The following PHACTR1 variants were observed in gnomAD, a reference collection of about 807,000 sequenced individuals.
PHACTR1 encodes the protein RPEL repeat containing 1.
Under a neutral mutation model 69.2 loss-of-function variants are expected in PHACTR1, and 16 were observed. The observed-to-expected ratio is 0.23, with a 90% CI of 0.16 to 0.35. PHACTR1 has a LOEUF of 0.35. PHACTR1 is among the 10% of genes least tolerant of loss of function. The probability of loss-of-function intolerance (pLI) is 1.00; values close to 1 mark genes in which losing one functional copy is unlikely to be tolerated. For synonymous variants in PHACTR1, 312 were observed against 284.5 expected, an observed-to-expected ratio of 1.10 and a Z score of -0.97; for missense variants, 510 against 734.7, an observed-to-expected ratio of 0.69 and a Z score of 3.54.
chr6:13,130,523 G>A (rs6909002), intron 5 of PHACTR1, among the ~76,000 whole-genome samples: 112,206 of 152,060 alleles, frequency 0.74, 41,498 homozygotes, highest in East Asian at 0.79. Context: ...CAAGGCTGCT[G>A]TGAACACCTT....
chr6:12,913,896 C>A (rs1786677118), intron 4 of PHACTR1, among the ~76,000 whole-genome samples: 1 of 152,204 alleles, frequency 6.6e-6, no homozygotes, highest in South Asian at 2.1e-4. Context: ...CTGGGAACAA[C>A]CTGAAGCAGA....
chr6:12,906,204 A>G (rs963242005), intron 4 of PHACTR1, among the ~76,000 whole-genome samples: 1 of 152,224 alleles, frequency 6.6e-6, no homozygotes, highest in Non-Finnish European at 1.5e-5. Flanking sequence ...ATTACTTCTT[A>G]TGCTCAGTGG....
intron 4 of PHACTR1, among the ~76,000 whole-genome samples, chr6:12,845,490 G>T (rs1251455796): frequency 7.4e-6 from 1 of 134,754 alleles, no homozygotes. Context: ...GCATCAGATG[G>T]CAGCATTATC....
Position 13,003,963 on chromosome 6 carries a change from A to ATG in PHACTR1, c.251-49400_251-49399dup, listed in dbSNP as rs70989821. Among the ~76,000 whole-genome samples, 8 of 90,254 alleles carry ATG rather than the reference A, an allele frequency of 8.9e-5. No individual in the cohort carries two copies. In the East Asian group the frequency reaches 9.0e-4, roughly 10 times the overall value. 59.2% of individuals were successfully genotyped at this position (90,254 alleles called of 152,430 possible). On this transcript the variant is annotated intron_variant, in intron 4 of 14. Coordinates refer to ENST00000332995, the MANE Select transcript of PHACTR1 (RefSeq NM_030948.6). ...CTCAGTAGTATTCCTATATATATAT[A>ATG]TGTATATATATATATACACATATAT...
At chr6:12,936,423 A>G (rs1026523404) in intron 4 of PHACTR1, among the ~76,000 whole-genome samples, 4 of 152,244 alleles carry the variant, frequency 2.6e-5, no homozygotes, top group Admixed American at 2.6e-4. Context: ...AACATAAAAG[A>G]TGACAAATGC....
In PHACTR1 at chr6:13,115,651, C is replaced by T. The variant is rs189867320; in HGVS notation, c.416-44553C>T. ...GTTTAGTTACTAAGGTTGCCACAGT[C>T]GAAGCTCCCATCCTGATGGCTTTAA... On this transcript the variant is annotated intron_variant, in intron 5 of 14. Coordinates refer to ENST00000332995, the MANE Select transcript of PHACTR1 (RefSeq NM_030948.6). Among the ~76,000 whole-genome samples the T allele has an allele frequency of 4.1e-4, 62 of 152,264 alleles. No homozygotes were observed. The East Asian group carries it at 6.8e-3, about 17-fold the overall frequency.
chr6:13,019,589 A>C (rs1248281112), intron 4 of PHACTR1, among the ~76,000 whole-genome samples: 3 of 152,224 alleles, frequency 2.0e-5, no homozygotes, highest in Non-Finnish European at 2.9e-5. Flanking sequence ...ATATAATTTT[A>C]CTAATAATTT....
rs116845196 is a variant in PHACTR1 at position 13,233,633 on chromosome 6, A to C, written c.1391+3440A>C. On this transcript the variant is annotated intron_variant, in intron 10 of 14. Coordinates refer to ENST00000332995, the MANE Select transcript of PHACTR1 (RefSeq NM_030948.6). ...GATCTCGTGAGACCTACTCATTATC[A>C]TGAGAACAGCATGAGGGAAACTGCC... is the stretch of plus-strand genomic sequence containing the variant. 6.7e-3 allele frequency among the ~76,000 whole-genome samples: 1,016 copies of C among 152,276 alleles called. 13 individuals are homozygous for C. The highest frequency in any genetic ancestry group is 0.027 in the East Asian group (142 of 5,182).
At chr6:12,820,780 G>A (rs1776118035) in intron 4 of PHACTR1, among the ~76,000 whole-genome samples, 1 of 152,098 alleles carries the variant, frequency 6.6e-6, no homozygotes, top group South Asian at 2.1e-4. Context: ...ATATTCAAGT[G>A]TACCTCTTCT....
chr6:13,258,802 C>CA (rs1775535183), intron 10 of PHACTR1, among the ~76,000 whole-genome samples: 1 of 152,196 alleles, frequency 6.6e-6, no homozygotes, highest in South Asian at 2.1e-4. Context: ...CAGGGAAAAG[C>CA]AAAGGCTAAA....
intron 5 of PHACTR1, among the ~76,000 whole-genome samples, chr6:13,064,547 G>GATAT (rs1195089569): frequency 5.7e-5 from 4 of 70,210 alleles, no homozygotes; most frequent in Non-Finnish European, 1.1e-4. Flanking sequence ...GAAGGGAAAA[G>GATAT]ATATATATAT....
chr6:13,065,227 A>G (rs1222714616), intron 5 of PHACTR1, among the ~76,000 whole-genome samples: 1 of 152,104 alleles, frequency 6.6e-6, no homozygotes, highest in African/African-American at 2.4e-5. Flanking sequence ...CTGGGATGAA[A>G]ACTCCAAAGA....
intron 4 of PHACTR1, among the ~76,000 whole-genome samples, chr6:12,895,118 A>T (rs186210270): frequency 5.3e-5 from 8 of 151,020 alleles, no homozygotes; most frequent in African/African-American, 1.9e-4. Flanking sequence ...TACTCTTAGG[A>T]TATTGTGTAT....
chr6:12,918,457 G>T (rs925526194), intron 4 of PHACTR1, among the ~76,000 whole-genome samples: 1 of 152,222 alleles, frequency 6.6e-6, no homozygotes, highest in South Asian at 2.1e-4. Context: ...AAGGACTTGA[G>T]CACACATTGG....
At chr6:13,154,802 T>C (rs1311105601) in intron 5 of PHACTR1, among the ~76,000 whole-genome samples, 1 of 150,928 alleles carries the variant, frequency 6.6e-6, no homozygotes, top group Non-Finnish European at 1.5e-5. Flanking sequence ...CTCACTCCTC[T>C]TCTTCTAAAT....
At chr6:13,241,869 C>CAA (rs924968728) in intron 10 of PHACTR1, among the ~76,000 whole-genome samples, 7 of 130,926 alleles carry the variant, frequency 5.3e-5, no homozygotes, top group East Asian at 2.2e-4. Flanking sequence ...ACTAAAAATG[C>CAA]AAAAAAAAAA....
At chr6:12,872,497 C>T (rs1225189889) in intron 4 of PHACTR1, among the ~76,000 whole-genome samples, 1 of 152,126 alleles carries the variant, frequency 6.6e-6, no homozygotes, top group African/African-American at 2.4e-5. Flanking sequence ...CACTTCTTTG[C>T]TCTTTGATTT....
At chr6:12,784,457 C>A (rs1771254413) in intron 4 of PHACTR1, among the ~76,000 whole-genome samples, 1 of 150,902 alleles carries the variant, frequency 6.6e-6, no homozygotes, top group Non-Finnish European at 1.5e-5. Context: ...TACACATATA[C>A]CTATACACAC....
intron 5 of PHACTR1, among the ~76,000 whole-genome samples, chr6:13,147,188 T>G (rs186532176): frequency 3.7e-4 from 56 of 152,332 alleles, no homozygotes; most frequent in Admixed American, 2.9e-3. Context: ...AAGGGACCAA[T>G]AAATGGAGAC....
Sources: allele counts gnomAD v4.1 joint callset (sites outside exome capture counted in the v4.1 genomes callset), GRCh38; gene constraint gnomAD v4.1.1; transcripts MANE v1.5; gene names NCBI Gene and HGNC (gene_info 2026-07-23, HGNC 2026-07-21).